ZDHHC17: variants seen among roughly 807,000 people sequenced by gnomAD.
ZDHHC17 encodes palmitoyltransferase ZDHHC17.
A neutral mutation model predicts 90.3 loss-of-function variants in ZDHHC17; 40 were observed. The observed-to-expected ratio is 0.44, with a 90% CI of 0.34 to 0.58. The LOEUF (loss-of-function observed/expected upper bound fraction) is 0.58. Among genes scored for constraint, ZDHHC17 ranks in the 20% least tolerant of loss-of-function variants. ZDHHC17 has a pLI of 0.01. For missense variants in ZDHHC17, 614 were observed against 780.8 expected (o/e 0.79, Z 2.55); for synonymous variants, 235 against 252.4 (o/e 0.93, Z 0.65).
chr12:76,833,786 C>G (rs1157355441), intron 10 of ZDHHC17, among the ~76,000 whole-genome samples: 2 of 152,096 alleles, frequency 1.3e-5, no homozygotes, highest in Admixed American at 6.5e-5. Flanking sequence ...GAGCGAGACT[C>G]TGTCTCAAAA....
chr12:76,787,782 C>A (rs947706807), intron 1 of ZDHHC17, among the ~76,000 whole-genome samples: 7 of 152,146 alleles, frequency 4.6e-5, no homozygotes, highest in African/African-American at 1.7e-4. Context: ...AAACCATATA[C>A]TAGTTATAAC....
At chr12:76,811,168 C>T (rs995658135) in intron 5 of ZDHHC17, among the ~76,000 whole-genome samples, 3 of 23,600 alleles carry the variant, frequency 1.3e-4, no homozygotes, top group Admixed American at 1.1e-3. Context: ...GCCATAACCA[C>T]CCGGAGGGAA....
intron 7 of ZDHHC17, among the ~76,000 whole-genome samples, chr12:76,817,216 A>G (rs1953099230): frequency 6.6e-6 from 1 of 152,124 alleles, no homozygotes; most frequent in African/African-American, 2.4e-5. Context: ...CACTGGAATG[A>G]GTAAATTGGC....
chr12:76,805,287 T>C, intron 2 of ZDHHC17, 30 bp from the exon 3 acceptor site: 1 of 1,543,090 alleles, frequency 6.5e-7, no homozygotes, highest in Non-Finnish European at 8.8e-7. Context: ...TGTTAAATAA[T>C]AACAATGCCA....
chr12:76,809,171 A>G, intron 4 of ZDHHC17, 51 bp downstream of exon 4: 1 of 1,314,552 alleles, frequency 7.6e-7, no homozygotes, highest in South Asian at 1.6e-5. Flanking sequence ...ATTAGTATAT[A>G]AATAAACAAC....
At chr12:76,807,859 T>C (rs1346994026) in intron 3 of ZDHHC17, among the ~76,000 whole-genome samples, 2 of 152,226 alleles carry the variant, frequency 1.3e-5, no homozygotes, top group Non-Finnish European at 2.9e-5. Flanking sequence ...TTATTTTGGC[T>C]GAGCTTTGGG....
Position 76,764,170 on chromosome 12 carries a change from C to G in ZDHHC17, c.-67C>G, listed in dbSNP as rs574148031. 1.5e-5 allele frequency: 18 copies of G among 1,229,274 alleles called. No individual in the cohort carries two copies. Among genetic ancestry groups the G allele is most frequent in the Non-Finnish European group, 2.0e-5 (18 of 913,766 alleles). The allele number at this position is 1,229,274 out of a possible 1,614,324, so 76.1% of individuals were successfully genotyped here. A position where few individuals can be genotyped will look rare whatever the true frequency, so the allele number is the denominator to read the frequency against. On this transcript the variant is annotated 5_prime_UTR_variant, in exon 1 of 17. Transcript: ENST00000426126. ...GGCCCGCGTCGCCTCCGGCGGGGCT[C>G]GCGCTCGCCCCGCGCTCGCCCTCCG...
chr12:76,833,350 G>T (rs1376125209), intron 10 of ZDHHC17, among the ~76,000 whole-genome samples: 1 of 152,176 alleles, frequency 6.6e-6, no homozygotes, highest in Non-Finnish European at 1.5e-5. Flanking sequence ...ACATAGGTGG[G>T]AAATTATTAA....
At chr12:76,814,338 G>T (rs925341420) in intron 5 of ZDHHC17, among the ~76,000 whole-genome samples, 1 of 151,722 alleles carries the variant, frequency 6.6e-6, no homozygotes, top group African/African-American at 2.4e-5. Context: ...AAAAATAGTG[G>T]TTTATTACAT....
At chr12:76,840,439 C>A (rs957692844) in intron 10 of ZDHHC17, 2 of 151,262 alleles carry the variant, frequency 1.3e-5, no homozygotes, top group African/African-American at 4.9e-5. Context: ...CTCCCAGGTT[C>A]AAGCAATTCT....
intron 2 of ZDHHC17, among the ~76,000 whole-genome samples, chr12:76,803,266 A>G (rs1192880599): frequency 2.0e-5 from 3 of 152,190 alleles, no homozygotes; most frequent in Non-Finnish European, 4.4e-5. Context: ...AAAGAAAAAA[A>G]AAATTACATG....
At chr12:76,780,762 C>T (rs1326479048) in intron 1 of ZDHHC17, among the ~76,000 whole-genome samples, 1 of 152,144 alleles carries the variant, frequency 6.6e-6, no homozygotes, top group African/African-American at 2.4e-5. Flanking sequence ...AACTTCTTCA[C>T]TTTTCTTCAG....
intron 5 of ZDHHC17, among the ~76,000 whole-genome samples, chr12:76,811,584 A>G (rs1031495238): frequency 6.6e-6 from 1 of 152,086 alleles, no homozygotes; most frequent in Admixed American, 6.6e-5. Context: ...TGATGATGAT[A>G]ATGATGATGA....
intron 2 of ZDHHC17, among the ~76,000 whole-genome samples, chr12:76,802,486 T>C (rs1952902817): frequency 6.6e-6 from 1 of 152,240 alleles, no homozygotes; most frequent in Non-Finnish European, 1.5e-5. Flanking sequence ...TAGGAAGTTT[T>C]CAGCTATTAT....
chr12:76,836,607 T>C (rs1400121254), intron 10 of ZDHHC17, among the ~76,000 whole-genome samples: 1 of 152,188 alleles, frequency 6.6e-6, no homozygotes, highest in Admixed American at 6.5e-5. Flanking sequence ...TAGTTTTCAT[T>C]GATATTTTCT....
At chr12:76,818,566 A>T (rs1328826471) in intron 7 of ZDHHC17, among the ~76,000 whole-genome samples, 1 of 152,212 alleles carries the variant, frequency 6.6e-6, no homozygotes, top group East Asian at 1.9e-4. Context: ...CTCTGAGGAG[A>T]TGACATTTGC....
At chr12:76,837,049 G>C (rs1487749629) in intron 10 of ZDHHC17, among the ~76,000 whole-genome samples, 1 of 152,122 alleles carries the variant, frequency 6.6e-6, no homozygotes, top group African/African-American at 2.4e-5. Context: ...TTCTGAACCA[G>C]TTTACCTTTA....
intron 1 of ZDHHC17, among the ~76,000 whole-genome samples, chr12:76,774,503 A>C (rs1371894041): frequency 6.6e-6 from 1 of 152,152 alleles, no homozygotes; most frequent in African/African-American, 2.4e-5. Context: ...TAGGTGTCTC[A>C]AGTTTAAACA....
intron 2 of ZDHHC17, among the ~76,000 whole-genome samples, chr12:76,801,468 A>G (rs1215995789): frequency 1.3e-5 from 2 of 151,790 alleles, no homozygotes; most frequent in Non-Finnish European, 2.9e-5. Flanking sequence ...CCTGGCTAAC[A>G]TGGTGAAACC....
Sources: gnomAD v4.1 joint callset for allele counts (sites outside exome capture counted in the v4.1 genomes callset) on GRCh38, gnomAD v4.1.1 for gene constraint, MANE v1.5 for transcripts, NCBI Gene and HGNC (gene_info 2026-07-23, HGNC 2026-07-21) for gene names.